CPLX1: variants seen among roughly 807,000 people sequenced by gnomAD.
CPLX1 encodes the protein complexin-1.
CPLX1 carries 6 observed loss-of-function variants against 15.6 expected under a neutral mutation model. The observed-to-expected ratio is 0.39, with a 90% confidence interval of 0.21 to 0.76. The LOEUF (loss-of-function observed/expected upper bound fraction) is 0.76. CPLX1 is among the 30% of genes least tolerant of loss of function. CPLX1 has a pLI of 0.43. For synonymous variants in CPLX1, 91 were observed against 75.2 expected (o/e 1.21, Z -1.08); for missense variants, 242 against 188.6 (o/e 1.28, Z -1.66).
At chr4:787,950 A>ATC (rs1473878840) in intron 3 of CPLX1, 1 of 985,102 alleles carries the variant, frequency 1.0e-6, no homozygotes, top group Non-Finnish European at 1.2e-6. Flanking sequence ...CCTGAACAGG[A>ATC]CCCCCGGGCC....
chr4:820,104 C>T (rs1746832952), intron 2 of CPLX1, among the ~76,000 whole-genome samples: 1 of 152,116 alleles, frequency 6.6e-6, no homozygotes, highest in African/African-American at 2.4e-5. Context: ...CCTGCAGCTC[C>T]ACCGTCCTCC....
chr4:791,185 C>G (rs191917382), intron 3 of CPLX1, among the ~76,000 whole-genome samples: 1 of 85,778 alleles, frequency 1.2e-5, no homozygotes, highest in Non-Finnish European at 2.7e-5. Context: ...GGGCGGGGGG[C>G]GGGGAGCGGG....
chr4:820,061 C>T (rs965853793), intron 2 of CPLX1, among the ~76,000 whole-genome samples: 54 of 152,206 alleles, frequency 3.5e-4, no homozygotes, highest in African/African-American at 1.0e-3. Context: ...GCTTCACCTC[C>T]GGATCTGCTG....
rs3816676 is a variant in CPLX1 at position 787,733 on chromosome 4, G to A, written c.208-1035C>T. 4.0e-5 allele frequency: 36 copies of A among 905,620 alleles called. No individual in the cohort carries two copies. In the Middle Eastern group the frequency reaches 1.7e-3, roughly 44 times the overall value. 56.1% of individuals were successfully genotyped at this position (905,620 alleles called of 1,614,324 possible). A position where few individuals can be genotyped will look rare whatever the true frequency, so the allele number is the denominator to read the frequency against. On this transcript the variant is annotated intron_variant, in intron 3 of 3. Transcript: ENST00000304062. The stretch of plus-strand genomic sequence containing the variant: ...GGCCTCTAAGTTTTTGTCAGGCCCC[G>A]GGGTTTTGGTTTCTAGATCAATACG...
chr4:805,029 G>A (rs17165032), intron 2 of CPLX1: 24,468 of 736,256 alleles, frequency 0.033, 710 homozygotes, highest in East Asian at 0.19. Flanking sequence ...CTCGCGCACC[G>A]TCTGTCTCGG....
rs1406127141 is a variant in CPLX1, at chr4:786,548, C to A, written c.358G>T (p.Val120Phe). 13 of 1,607,318 alleles carry A rather than the reference C, an allele frequency of 8.1e-6. No individual in the cohort carries two copies. The highest frequency in any genetic ancestry group is 1.3e-5 in the African/African-American group (1 of 74,670). Residue 120 changes from valine (V) to phenylalanine (F), a missense_variant, in exon 4 of 4, where the codon GTC becomes TTC. Val to Phe is a conservative substitution (Grantham distance 50, BLOSUM62 -1). Coordinates refer to ENST00000304062, the MANE Select transcript of CPLX1 (RefSeq NM_006651.4). The part of the protein sequence containing the change: ...EEEDESILDT[V>F]IKYLPGPLQD... ...AGCGGCCCGGGCAGGTACTTGATGA[C>A]GGTGTCCAGGATGCTCTCGTCCTCC... is the stretch of plus-strand genomic sequence containing the variant.
At chr4:812,888 T>C (rs1746689688) in intron 2 of CPLX1, among the ~76,000 whole-genome samples, 1 of 152,132 alleles carries the variant, frequency 6.6e-6, no homozygotes, top group African/African-American at 2.4e-5. Flanking sequence ...CAAATGATAG[T>C]GTACTGAGTT....
At chr4:809,317 G>A (rs940165581) in intron 2 of CPLX1, among the ~76,000 whole-genome samples, 1 of 152,214 alleles carries the variant, frequency 6.6e-6, no homozygotes, top group Non-Finnish European at 1.5e-5. Flanking sequence ...GCACGGGGTG[G>A]GGCCCGGCCA....
chr4:803,209 A>G (rs987168233), intron 2 of CPLX1, among the ~76,000 whole-genome samples: 1 of 152,276 alleles, frequency 6.6e-6, no homozygotes, highest in African/African-American at 2.4e-5. Context: ...ATCTGCCTGC[A>G]GTAAGACCGA....
At chr4:812,479 AACAG>A (rs1387108496) in intron 2 of CPLX1, among the ~76,000 whole-genome samples, 2 of 152,300 alleles carry the variant, frequency 1.3e-5, no homozygotes, top group African/African-American at 2.4e-5. Context: ...GAGTGTTCCC[AACAG>A]ACAGAGAAGA....
intron 1 of CPLX1, 30 bp downstream of exon 1, chr4:826,016 G>T: frequency 2.8e-5 from 1 of 35,654 alleles, no homozygotes; most frequent in South Asian, 9.1e-4. Context: ...AGCGGAGGCC[G>T]GGCGCGCGCT....
Position 792,500 on chromosome 4 carries a change from T to G in CPLX1, c.140A>C (p.Glu47Ala), listed in dbSNP as rs770818939. The change falls in exon 3 of 4, where the codon GAG becomes GCG. Residue 47 changes from glutamate to alanine, a missense_variant. Glu to Ala is a moderately radical substitution (Grantham distance 107). Transcript: ENST00000304062. ...RQEALRQAEE[E>A]RKAKYAKMEA... ...CATCTTGGCGTACTTGGCCTTGCGC[T>G]CCTCCTCCGCCTGGCGCAGCGCCTC... 5.0e-6 allele frequency: 8 copies of G among 1,613,002 alleles called. No homozygotes were observed. Among genetic ancestry groups the G allele is most frequent in the Non-Finnish European group, 6.8e-6 (8 of 1,179,694 alleles).
chr4:800,351 T>C (rs1268672005), intron 2 of CPLX1, among the ~76,000 whole-genome samples: 2 of 152,118 alleles, frequency 1.3e-5, no homozygotes, highest in East Asian at 3.9e-4. Flanking sequence ...ATAAAGATCT[T>C]AGGCCGGGCG....
chr4:786,805 G>GC, intron 3 of CPLX1, 107 bp from the exon 4 acceptor site: 8 of 1,437,056 alleles, frequency 5.6e-6, no homozygotes, highest in African/African-American at 1.5e-5. Flanking sequence ...CGTGGGTGCG[G>GC]CCCCCTACCC....
At position 788,277 on chromosome 4, in the gene CPLX1, C is replaced by G. The variant is rs1370140658; in HGVS notation, c.208-1579G>C. On this transcript the variant is annotated intron_variant, in intron 3 of 3. Coordinates refer to ENST00000304062, the MANE Select transcript of CPLX1 (RefSeq NM_006651.4). ...GAGGGGGGGCTGCCTGTGTGCTCCC[C>G]AACCCCACCGAGGGCAGTCTCGGCA... is the stretch of plus-strand genomic sequence containing the variant. 3.0e-6 allele frequency: 3 copies of G among 985,168 alleles called. No homozygotes were observed. In the African/African-American group the frequency reaches 5.2e-5, roughly 17 times the overall value. The allele number at this position is 985,168 out of a possible 1,614,324, so 61.0% of individuals were successfully genotyped here. A position where few individuals can be genotyped will look rare whatever the true frequency, so the allele number is the denominator to read the frequency against.
At chr4:789,324 C>T (rs1268347799) in intron 3 of CPLX1, among the ~76,000 whole-genome samples, 1 of 152,028 alleles carries the variant, frequency 6.6e-6, no homozygotes, top group Non-Finnish European at 1.5e-5. Context: ...GGAGTGGCTG[C>T]TGGGGGCGCC....
chr4:822,965 C>T (rs1401946149), intron 2 of CPLX1, among the ~76,000 whole-genome samples: 2 of 152,340 alleles, frequency 1.3e-5, no homozygotes, highest in South Asian at 2.1e-4. Context: ...CTCAGCTCCA[C>T]CACGCTGAGC....
intron 2 of CPLX1, among the ~76,000 whole-genome samples, chr4:811,742 C>T: frequency 6.6e-6 from 1 of 152,214 alleles, no homozygotes; most frequent in East Asian, 1.9e-4. Context: ...GTCAGCCTGG[C>T]TGGCTGTGCT....
At chr4:823,753 C>T (rs1746917346) in intron 2 of CPLX1, among the ~76,000 whole-genome samples, 1 of 152,244 alleles carries the variant, frequency 6.6e-6, no homozygotes, top group Non-Finnish European at 1.5e-5. Flanking sequence ...GTCTAGGAAC[C>T]CAGCCACTGC....
Sources: gnomAD v4.1 joint callset for allele counts (sites outside exome capture counted in the v4.1 genomes callset) on GRCh38, gnomAD v4.1.1 for gene constraint, MANE v1.5 for transcripts, NCBI Gene and HGNC (gene_info 2026-07-23, HGNC 2026-07-21) for gene names.